Variants in STAU2 observed in about 807,000 individuals in gnomAD.
STAU2 encodes the protein staufen double-stranded RNA binding protein 2.
In STAU2, 20 loss-of-function variants were observed where a neutral mutation model predicts 65.9. That is an observed-to-expected ratio of 0.30 (90% CI 0.21 to 0.44). STAU2 has a LOEUF of 0.44. STAU2 is among the 20% of genes least tolerant of loss of function. The pLI is 1.00. For synonymous variants in STAU2, 232 were observed against 233.9 expected, an observed-to-expected ratio of 0.99 and a Z score of 0.07; for missense variants, 558 against 683.9, an observed-to-expected ratio of 0.82 and a Z score of 2.05.
At chr8:73,632,904 C>T (rs1057286271) in intron 6 of STAU2, among the ~76,000 whole-genome samples, 3 of 152,170 alleles carry the variant, frequency 2.0e-5, no homozygotes, top group Non-Finnish European at 4.4e-5. Flanking sequence ...TGCTTGAGAA[C>T]CCTGTATTAG....
intron 9 of STAU2, among the ~76,000 whole-genome samples, chr8:73,611,879 G>A (rs1273141405): frequency 3.9e-5 from 6 of 151,972 alleles, no homozygotes; most frequent in Non-Finnish European, 7.4e-5. Context: ...ACCAAGTTTC[G>A]CCATGTTGGC....
At chr8:73,665,412 A>G (rs1817161871) in intron 6 of STAU2, among the ~76,000 whole-genome samples, 1 of 152,212 alleles carries the variant, frequency 6.6e-6, no homozygotes, top group African/African-American at 2.4e-5. Flanking sequence ...TTCTATATCT[A>G]TTGAAACAAA....
intron 13 of STAU2, among the ~76,000 whole-genome samples, chr8:73,428,171 C>T (rs189412412): frequency 6.0e-4 from 91 of 152,292 alleles, no homozygotes; most frequent in African/African-American, 2.0e-3. Flanking sequence ...GTACTCTCTG[C>T]TTCTGGGAGT....
intron 6 of STAU2, among the ~76,000 whole-genome samples, chr8:73,641,482 A>G (rs1814964793): frequency 6.6e-6 from 1 of 152,230 alleles, no homozygotes; most frequent in Non-Finnish European, 1.5e-5. Flanking sequence ...TTTTAATTAT[A>G]GCTTACCCTT....
At chr8:73,593,963 T>C (rs1208654377) in intron 11 of STAU2, among the ~76,000 whole-genome samples, 1 of 152,138 alleles carries the variant, frequency 6.6e-6, no homozygotes, top group African/African-American at 2.4e-5. Flanking sequence ...ATGCAAAAAA[T>C]GTTTTTCAAA....
intron 13 of STAU2, chr8:73,438,960 A>C: frequency 4.4e-6 from 2 of 456,680 alleles, no homozygotes; most frequent in South Asian, 3.1e-5. Flanking sequence ...GACCTTCACC[A>C]CTGGTCATGT....
At chr8:73,619,874 A>G (rs1813099167) in intron 6 of STAU2, among the ~76,000 whole-genome samples, 1 of 152,204 alleles carries the variant, frequency 6.6e-6, no homozygotes, top group East Asian at 1.9e-4. Flanking sequence ...GAAAAAAAAG[A>G]AAAAGTTGCT....
chr8:73,472,824 T>C (rs990162413), intron 13 of STAU2, among the ~76,000 whole-genome samples: 34 of 152,136 alleles, frequency 2.2e-4, no homozygotes, highest in African/African-American at 8.0e-4. Flanking sequence ...TTTTATATGT[T>C]GTGCCAGTAA....
chr8:73,598,230 T>C (rs1283358714), intron 10 of STAU2, among the ~76,000 whole-genome samples: 2 of 150,042 alleles, frequency 1.3e-5, no homozygotes, highest in East Asian at 3.9e-4. Context: ...AGAAAACTTT[T>C]TTTTTTTTTT....
intron 12 of STAU2, among the ~76,000 whole-genome samples, chr8:73,560,070 A>C (rs1808091518): frequency 6.9e-6 from 1 of 144,128 alleles, no homozygotes; most frequent in African/African-American, 2.5e-5. Flanking sequence ...GTCATTACTG[A>C]ACAGATTTTT....
intron 1 of STAU2, among the ~76,000 whole-genome samples, chr8:73,740,425 G>A (rs1806766671): frequency 6.6e-6 from 1 of 152,084 alleles, no homozygotes; most frequent in Admixed American, 6.6e-5. Context: ...GAGCAAATGA[G>A]TAACATTAGA....
intron 13 of STAU2, among the ~76,000 whole-genome samples, chr8:73,447,798 C>T (rs1035581649): frequency 6.6e-6 from 1 of 152,084 alleles, no homozygotes; most frequent in Non-Finnish European, 1.5e-5. Flanking sequence ...TCCTTTTCCT[C>T]CCCCCTCTGG....
rs59727847 is a variant in STAU2, at chr8:73,545,635, CTTTTT to C, written c.1530+6372_1530+6376del. 2.9e-5 allele frequency among the ~76,000 whole-genome samples: 4 copies of C among 136,910 alleles called. No individual in the cohort carries two copies. In the East Asian group the frequency reaches 6.2e-4, roughly 21 times the overall value. 89.8% of individuals were successfully genotyped at this position (136,910 alleles called of 152,430 possible). On this transcript the variant is annotated intron_variant, in intron 13 of 14. Coordinates refer to ENST00000524300, the MANE Select transcript of STAU2 (RefSeq NM_001164380.2). ...CTTCCATCTCAAAGGAGTCAGAATT[CTTTTT>C]TTTTTTTTTTTAATATATATTTTTT...
intron 5 of STAU2, among the ~76,000 whole-genome samples, chr8:73,685,663 A>C (rs1818752717): frequency 6.6e-6 from 1 of 152,136 alleles, no homozygotes; most frequent in African/African-American, 2.4e-5. Flanking sequence ...GGCATGAGCC[A>C]CTGCGCCCAG....
chr8:73,463,267 C>T (rs1032445587), intron 13 of STAU2, among the ~76,000 whole-genome samples: 8 of 152,188 alleles, frequency 5.3e-5, no homozygotes, highest in African/African-American at 1.9e-4. Context: ...ATGTGCTGGA[C>T]TTTTGCTGGT....
At chr8:73,590,217 G>A (rs1295019489) in intron 11 of STAU2, among the ~76,000 whole-genome samples, 1 of 151,266 alleles carries the variant, frequency 6.6e-6, no homozygotes, top group Non-Finnish European at 1.5e-5. Flanking sequence ...AAAGAAGGGA[G>A]GAAGAAGGGT....
At chr8:73,621,324 C>G (rs1563463402) in intron 6 of STAU2, among the ~76,000 whole-genome samples, 1 of 152,084 alleles carries the variant, frequency 6.6e-6, no homozygotes, top group East Asian at 1.9e-4. Context: ...CTCCTGCTGT[C>G]CTGTGAAGAG....
intron 12 of STAU2, among the ~76,000 whole-genome samples, chr8:73,563,853 A>G (rs991946886): frequency 6.6e-6 from 1 of 152,228 alleles, no homozygotes; most frequent in Non-Finnish European, 1.5e-5. Flanking sequence ...CACCAGCAAG[A>G]TGGTAGAACA....
intron 12 of STAU2, among the ~76,000 whole-genome samples, chr8:73,576,290 G>A (rs1183874038): frequency 1.3e-5 from 2 of 152,056 alleles, no homozygotes; most frequent in Non-Finnish European, 2.9e-5. Context: ...TTCACATAGT[G>A]GATGAAATAC....
Sources: allele counts gnomAD v4.1 joint callset (sites outside exome capture counted in the v4.1 genomes callset), GRCh38; gene constraint gnomAD v4.1.1; transcripts MANE v1.5; gene names NCBI Gene and HGNC (gene_info 2026-07-23, HGNC 2026-07-21).